VWA3A: variants seen among roughly 807,000 people sequenced by gnomAD.
VWA3A encodes von Willebrand factor A domain-containing protein 3A.
In VWA3A, 134 loss-of-function variants were observed where a neutral mutation model predicts 160.4. That is an observed-to-expected ratio of 0.84 (90% confidence interval 0.73 to 0.96). The LOEUF (loss-of-function observed/expected upper bound fraction) is 0.96, where lower values mean the gene tolerates loss of function less well. VWA3A is among the 40% of genes least tolerant of loss of function. The probability of loss-of-function intolerance (pLI) is 0.00; values close to 1 mark genes in which losing one functional copy is unlikely to be tolerated. For synonymous variants in VWA3A, 476 were observed against 543.4 expected, an observed-to-expected ratio of 0.88 and a Z score of 1.72; for missense variants, 1,310 against 1,447.9, an observed-to-expected ratio of 0.90 and a Z score of 1.55.
rs768927013 is a variant in VWA3A at position 22,100,397 on chromosome 16, T to C, written c.351-19T>C. ...CCCCTGGGCCCGAGAGATCCCCTCA[T>C]AAGGCTTTGCTTCTTCAGGGAGGAG... On this transcript the variant is annotated intron_variant, in intron 4 of 33. Coordinates refer to ENST00000389398, the MANE Select transcript of VWA3A (RefSeq NM_173615.5). 1 of 1,551,654 alleles carries C rather than the reference T, an allele frequency of 6.4e-7. No individual in the cohort carries two copies. The highest frequency in any genetic ancestry group is 1.2e-5 in the South Asian group (1 of 84,058).
chr16:22,110,760 C>A, intron 7 of VWA3A, 128 bp from the exon 8 acceptor site: 1 of 732,790 alleles, frequency 1.4e-6, no homozygotes, highest in Non-Finnish European at 2.0e-6. Context: ...CTGCTAAGCC[C>A]AGCCTCGAGC....
intron 23 of VWA3A, 88 bp downstream of exon 23, chr16:22,140,332 G>A (rs1028413978): frequency 2.0e-5 from 26 of 1,287,500 alleles, no homozygotes; most frequent in African/African-American, 1.6e-4. Context: ...CTAGAGCCAC[G>A]TGTGGAAGCT....
chr16:22,147,432 G>C (rs2046273046), intron 27 of VWA3A: 2 of 619,462 alleles, frequency 3.2e-6, no homozygotes, highest in Non-Finnish European at 5.8e-6. Flanking sequence ...CAGACAGCTA[G>C]AACTGGACAG....
chr16:22,103,482 G>A lies in VWA3A; in HGVS notation c.436G>A (p.Glu146Lys). Residue 146 changes from glutamate to lysine, a missense_variant, in exon 6 of 34, where the codon GAA (glutamate) becomes AAA (lysine). Physicochemically the swap from Glu to Lys is moderately conservative, Grantham distance 56 (BLOSUM62 1). Coordinates refer to ENST00000389398, the MANE Select transcript of VWA3A (RefSeq NM_173615.5). Reference sequence around the variant, plus strand: ...TTTCTGATGTCTTGACAGCACTATTGAAGTCTATCAAGAGAGAATTCAGTG... The same window carrying A: ...TTTCTGATGTCTTGACAGCACTATTAAAGTCTATCAAGAGAGAATTCAGTG... The part of the protein sequence containing the change: ...HFESKLSDTI[E>K]VYQERIQWLT... 1.3e-6 allele frequency: 2 copies of A among 1,551,666 alleles called. No individual in the cohort carries two copies. The highest frequency in any genetic ancestry group is 1.7e-6 in the Non-Finnish European group (2 of 1,146,950).
chr16:22,107,367 T>C (rs2045496391), intron 6 of VWA3A, among the ~76,000 whole-genome samples: 1 of 152,176 alleles, frequency 6.6e-6, no homozygotes, highest in African/African-American at 2.4e-5. Flanking sequence ...CAGATAATTA[T>C]CCAGCCCAAA....
At chr16:22,099,780 G>A (rs763426510) in intron 3 of VWA3A, among the ~76,000 whole-genome samples, 13 of 152,038 alleles carry the variant, frequency 8.6e-5, no homozygotes, top group Non-Finnish European at 1.6e-4. Context: ...TCTCTAACAC[G>A]GACAAACCAG....
rs1452380660 is a variant in VWA3A, at chr16:22,144,329, G to A, written c.2675G>A (p.Gly892Glu). The A allele has an allele frequency of 1.9e-6, 3 of 1,613,964 alleles. No individual in the cohort carries two copies. Among genetic ancestry groups the A allele is most frequent in the African/African-American group, 1.3e-5 (1 of 75,040 alleles). ...MGPNCTHQKS[G>E]QRSASAKHCS... Reference sequence around the variant, plus strand: ...CCCAACTGCACTCATCAAAAGTCAGGACAGAGGTCAGCATCCGCCAAACAC... The same window carrying A: ...CCCAACTGCACTCATCAAAAGTCAGAACAGAGGTCAGCATCCGCCAAACAC... The change falls in exon 26 of 34, where the codon GGA (glycine) becomes GAA (glutamate). Residue 892 changes from glycine to glutamate, a missense_variant. Physicochemically the swap from Gly to Glu is moderately conservative, Grantham distance 98. Coordinates refer to ENST00000389398, the MANE Select transcript of VWA3A (RefSeq NM_173615.5).
At position 22,119,003 on chromosome 16, in the gene VWA3A, G is replaced by C; in HGVS notation, c.1092G>C (p.Glu364Asp). The change falls in exon 12 of 34, where the codon GAG (glutamate) becomes GAC (aspartate). Residue 364 changes from glutamate to aspartate, a missense_variant. Glu to Asp is a conservative substitution (Grantham distance 45). Coordinates refer to ENST00000389398, the MANE Select transcript of VWA3A (RefSeq NM_173615.5). ...VQALQHSSPC[E>D]ALTCTMEEIS... The stretch of plus-strand genomic sequence containing the variant: ...CCCTGCAGCACAGCAGCCCCTGTGA[G>C]GCGCTCACCTGCACCATGGAGGAGG... The C allele has an allele frequency of 6.2e-7, 1 of 1,613,256 alleles. No individual in the cohort carries two copies. The highest frequency in any genetic ancestry group is 8.5e-7 in the Non-Finnish European group (1 of 1,179,528).
intron 22 of VWA3A, among the ~76,000 whole-genome samples, chr16:22,139,734 T>C (rs1055182982): frequency 8.6e-5 from 13 of 151,762 alleles, no homozygotes; most frequent in Admixed American, 2.6e-4. Flanking sequence ...CTGAGGTGCC[T>C]GATAAGGCAC....
At chr16:22,131,441 TC>T in intron 18 of VWA3A, 143 bp from the exon 19 acceptor site, 1 of 1,445,860 alleles carries the variant, frequency 6.9e-7, no homozygotes, top group Non-Finnish European at 9.4e-7. Context: ...TCTGCTGCTC[TC>T]CCCACCTGGC....
intron 3 of VWA3A, 28 bp downstream of exon 3, chr16:22,097,723 C>T (rs1395680993): frequency 8.4e-6 from 13 of 1,550,108 alleles, no homozygotes; most frequent in Non-Finnish European, 1.0e-5. Context: ...TTAACTGGGT[C>T]GTGATACTAC....
chr16:22,149,144 T>C (rs1044184213), intron 28 of VWA3A, among the ~76,000 whole-genome samples: 7 of 152,180 alleles, frequency 4.6e-5, no homozygotes, highest in Non-Finnish European at 1.0e-4. Flanking sequence ...TCGGCCCCCA[T>C]TTTTCAGAAA....
intron 8 of VWA3A, among the ~76,000 whole-genome samples, chr16:22,111,964 A>ATCCACTTCCACAAATAATCTT (rs2045558010): frequency 6.6e-6 from 1 of 152,164 alleles, no homozygotes; most frequent in Non-Finnish European, 1.5e-5. Flanking sequence ...TTGCACACAC[A>ATCCACTTCCACAAATAATCTT]TGCATCTGTG....
intron 17 of VWA3A, among the ~76,000 whole-genome samples, chr16:22,128,387 AAG>A (rs1200130228): frequency 1.3e-5 from 2 of 152,286 alleles, no homozygotes; most frequent in Admixed American, 1.3e-4. Context: ...GAATGGAAGA[AAG>A]AGTGCGTGGC....
At chr16:22,128,175 C>T (rs1009575448) in intron 17 of VWA3A, among the ~76,000 whole-genome samples, 6 of 152,092 alleles carry the variant, frequency 3.9e-5, no homozygotes, top group Admixed American at 3.3e-4. Flanking sequence ...ATAGGCCATG[C>T]TCACGAGTTT....
intron 30 of VWA3A, among the ~76,000 whole-genome samples, chr16:22,152,029 C>T (rs936127607): frequency 1.3e-5 from 2 of 152,038 alleles, no homozygotes; most frequent in East Asian, 3.9e-4. Flanking sequence ...GCCAACATGG[C>T]GAAACCCCGT....
At chr16:22,139,503 G>C (rs71376717) in intron 22 of VWA3A, among the ~76,000 whole-genome samples, 10,274 of 152,134 alleles carry the variant, frequency 0.068, 489 homozygotes, top group Non-Finnish European at 0.099. Context: ...AGACCATCCT[G>C]GCCAACATGG....
chr16:22,110,808 G>A (rs777069190), intron 7 of VWA3A, 80 bp from the exon 8 acceptor site: 10 of 1,354,070 alleles, frequency 7.4e-6, no homozygotes, highest in Non-Finnish European at 1.0e-5. Flanking sequence ...GCCCAGAGGG[G>A]CCAGCAAAGG....
Position 22,140,230 on chromosome 16 carries a change from T to C in VWA3A, c.2369T>C (p.Val790Ala). 1 of 1,613,456 alleles carries C rather than the reference T, an allele frequency of 6.2e-7. No homozygotes were observed. Among genetic ancestry groups the C allele is most frequent in the Non-Finnish European group, 8.5e-7 (1 of 1,179,680 alleles). The change falls in exon 23 of 34, where the codon GTT becomes GCT. Residue 790 changes from valine to alanine, a missense_variant. By Grantham distance (64) the Val-to-Ala change is moderately conservative. Coordinates refer to ENST00000389398, the MANE Select transcript of VWA3A (RefSeq NM_173615.5). ...SLKWRPLSSRVGISPAAAQPT... is the reference protein window; with the variant it reads ...SLKWRPLSSRAGISPAAAQPT... ...AAATGGCGTCCACTCAGTAGCAGAGTTGGCATCTCACCAGGTAAGGCACCA... is the reference window on the plus strand; with the variant it reads ...AAATGGCGTCCACTCAGTAGCAGAGCTGGCATCTCACCAGGTAAGGCACCA...
Sources: allele counts gnomAD v4.1 joint callset (sites outside exome capture counted in the v4.1 genomes callset), GRCh38; gene constraint gnomAD v4.1.1; transcripts MANE v1.5; gene names NCBI Gene and HGNC (gene_info 2026-07-23, HGNC 2026-07-21).